Variants in NCKAP1L observed in about 807,000 individuals in gnomAD.
NCKAP1L encodes NCK associated protein 1 like.
NCKAP1L carries 53 observed loss-of-function variants against 139.2 expected under a neutral mutation model. The observed-to-expected ratio is 0.38, with a 90% CI of 0.31 to 0.48. The LOEUF (loss-of-function observed/expected upper bound fraction) is 0.48. Ranked by LOEUF, NCKAP1L falls within the 20% of genes least tolerant of loss-of-function variation. The probability of loss-of-function intolerance (pLI) is 0.98; values close to 1 mark genes in which losing one functional copy is unlikely to be tolerated. For synonymous variants in NCKAP1L, 468 were observed against 499.7 expected (o/e 0.94, Z 0.85); for missense variants, 1,151 against 1,381.9 (o/e 0.83, Z 2.65).
At chr12:54,511,361 TTGG>T (rs1956888894) in intron 7 of NCKAP1L, among the ~76,000 whole-genome samples, 1 of 152,236 alleles carries the variant, frequency 6.6e-6, no homozygotes, top group African/African-American at 2.4e-5. Context: ...TTCCCTGCTG[TTGG>T]TTTATCAATG....
rs188731202 is a variant in NCKAP1L, at chr12:54,515,953, C to T, written c.942-286C>T. ...AGGAGCACAGGAAGAGAAGTCTAGC[C>T]CCACCTTTGCCATTAAAGCCCTATG... is the stretch of plus-strand genomic sequence containing the variant. On this transcript the variant is annotated intron_variant, in intron 9 of 30. Coordinates refer to ENST00000293373, the MANE Select transcript of NCKAP1L (RefSeq NM_005337.5). Among the ~76,000 whole-genome samples, 18 of 152,266 alleles carry T rather than the reference C, an allele frequency of 1.2e-4. No homozygotes were observed. In the East Asian group the frequency reaches 2.9e-3, roughly 24 times the overall value.
rs1337498406 is a variant in NCKAP1L, at chr12:54,537,320, T to C, written c.3183+267T>C. Reference sequence around the variant, plus strand: ...TGAGTTCTGATTTTTGATCTGCCATTAAGTAGTTGTGTGACCTCTGAAGTG... The same window carrying C: ...TGAGTTCTGATTTTTGATCTGCCATCAAGTAGTTGTGTGACCTCTGAAGTG... On this transcript the variant is annotated intron_variant, in intron 29 of 30. Coordinates refer to ENST00000293373, the MANE Select transcript of NCKAP1L (RefSeq NM_005337.5). Among the ~76,000 whole-genome samples, 3 of 152,226 alleles carry C rather than the reference T, an allele frequency of 2.0e-5. No individual in the cohort carries two copies. The East Asian group carries it at 5.8e-4, about 29-fold the overall frequency.
chr12:54,518,825 G>T (rs1956955738), intron 14 of NCKAP1L, 89 bp from the exon 15 acceptor site: 1 of 1,510,162 alleles, frequency 6.6e-7, no homozygotes, highest in Non-Finnish European at 9.2e-7. Flanking sequence ...AGTAGGACAA[G>T]ATGTTTTTGA....
chr12:54,500,454 A>ATGTT (rs1956789066), intron 2 of NCKAP1L, 79 bp from the exon 3 acceptor site: 3 of 998,128 alleles, frequency 3.0e-6, no homozygotes, highest in Non-Finnish European at 3.2e-6. Context: ...TTTAGGTATA[A>ATGTT]CCACTGTTCT....
At chr12:54,528,461 A>C in intron 22 of NCKAP1L, 84 bp downstream of exon 22, 1 of 1,508,690 alleles carries the variant, frequency 6.6e-7, no homozygotes, top group South Asian at 1.3e-5. Flanking sequence ...ACATGTATTT[A>C]GGTTGGTGCA....
chr12:54,506,796 A>AAAAAAAAAT, intron 3 of NCKAP1L, among the ~76,000 whole-genome samples: 43 of 50,604 alleles, frequency 8.5e-4, no homozygotes, highest in African/African-American at 1.7e-3. Flanking sequence ...AAAAAAAAAA[A>AAAAAAAAAT]ATATATATAT....
At chr12:54,506,197 A>G (rs61923481) in intron 3 of NCKAP1L, among the ~76,000 whole-genome samples, 3,966 of 152,260 alleles carry the variant, frequency 0.026, 88 homozygotes, top group Admixed American at 0.033. Flanking sequence ...AGAAACCGCC[A>G]AACCTTTTTT....
At chr12:54,516,438 T>C (rs186442621) in intron 10 of NCKAP1L, 143 bp downstream of exon 10, 1 of 707,772 alleles carries the variant, frequency 1.4e-6, no homozygotes, top group East Asian at 2.7e-5. Flanking sequence ...AAATTCTTTT[T>C]TCTTTTCTTT....
In NCKAP1L at chr12:54,516,915, C is replaced by T. The variant is rs764565874; in HGVS notation, c.1018C>T (p.Arg340Trp). 1.7e-5 allele frequency: 28 copies of T among 1,611,946 alleles called. No individual in the cohort carries two copies. The highest frequency in any genetic ancestry group is 8.3e-5 in the Admixed American group (5 of 59,922). The change falls in exon 11 of 31, where the codon CGG becomes TGG. Residue 340 changes from arginine (R) to tryptophan (W), a missense_variant. By Grantham distance (101) the Arg-to-Trp change is moderately radical. Coordinates refer to ENST00000293373, the MANE Select transcript of NCKAP1L (RefSeq NM_005337.5). ...IANSGQFHCQ[R>W]RQFLRMAVKE... ...CCTTAGTGGCCAGTTTCATTGTCAA[C>T]GGCGGCAATTTCTGCGGATGGCAGT...
At chr12:54,499,014 C>T (rs1214550258) in intron 1 of NCKAP1L, among the ~76,000 whole-genome samples, 1 of 151,824 alleles carries the variant, frequency 6.6e-6, no homozygotes, top group South Asian at 2.1e-4. Context: ...CAACCTCCGC[C>T]TCCCGGGTTC....
chr12:54,521,234 A>G lies in NCKAP1L; in HGVS notation c.1874A>G (p.Glu625Gly). 6.2e-7 allele frequency: 1 copy of G among 1,614,002 alleles called. No homozygotes were observed. The highest frequency in any genetic ancestry group is 8.5e-7 in the Non-Finnish European group (1 of 1,179,948). Residue 625 changes from glutamate to glycine, a missense_variant, in exon 18 of 31, where the codon GAG becomes GGG. Coordinates refer to ENST00000293373, the MANE Select transcript of NCKAP1L (RefSeq NM_005337.5). ...TGTGCTGAGCAGCGAAACCTGAGCG[A>G]GCAGGTAGACTCAGCCCTCTCTGTT... Reference protein sequence around the residue: ...EICAEQRNLSEQLLPKHCATT... With the variant: ...EICAEQRNLSGQLLPKHCATT...
chr12:54,535,600 C>T (rs567208641), intron 27 of NCKAP1L, among the ~76,000 whole-genome samples: 14 of 152,216 alleles, frequency 9.2e-5, no homozygotes, highest in Non-Finnish European at 1.9e-4. Context: ...TGATTTTGTG[C>T]TTTCTCCCTC....
At chr12:54,501,953 C>T (rs549662191) in intron 3 of NCKAP1L, among the ~76,000 whole-genome samples, 1 of 152,306 alleles carries the variant, frequency 6.6e-6, no homozygotes, top group African/African-American at 2.4e-5. Context: ...GGTATTATCT[C>T]ATCTAAGTTT....
rs751090225 is a variant in NCKAP1L at position 54,531,343 on chromosome 12, A to T, written c.2590A>T (p.Ile864Phe). The T allele has an allele frequency of 2.5e-6, 4 of 1,614,022 alleles. No individual in the cohort carries two copies. Among genetic ancestry groups the T allele is most frequent in the Non-Finnish European group, 3.4e-6 (4 of 1,179,944 alleles). ...ENLMWHVTSQ[I>F]VELKKLVVEN... ...CCTGATGTGGCATGTGACCTCTCAG[A>T]TTGTGGAGCTGAAGGTACTATGGAA... The change falls in exon 23 of 31, where the codon ATT becomes TTT. Residue 864 changes from isoleucine (I) to phenylalanine (F), a missense_variant. Ile to Phe is a conservative substitution (Grantham distance 21). Transcript: ENST00000293373.
rs903426553 is a variant in NCKAP1L at position 54,534,985 on chromosome 12, T to TA, written c.2863-115dup. On this transcript the variant is annotated intron_variant, in intron 26 of 30. Coordinates refer to ENST00000293373, the MANE Select transcript of NCKAP1L (RefSeq NM_005337.5). Reference sequence around the variant, plus strand: ...GACTCTCTCTTTCTCTACATATATATAAAAGCATCTTTAAAAAAAAAATTA... The same window carrying TA: ...GACTCTCTCTTTCTCTACATATATATAAAAAGCATCTTTAAAAAAAAAATTA... 18 of 666,840 alleles carry TA rather than the reference T, an allele frequency of 2.7e-5. No individual in the cohort carries two copies. The African/African-American group carries it at 3.0e-4, about 11-fold the overall frequency. 41.3% of individuals were successfully genotyped at this position (666,840 alleles called of 1,614,324 possible).
intron 19 of NCKAP1L, 68 bp downstream of exon 19, chr12:54,523,607 A>C (rs1239145550): frequency 1.9e-6 from 3 of 1,541,290 alleles, no homozygotes; most frequent in East Asian, 2.3e-5. Context: ...GAAAGAGGGA[A>C]GGTGACACAG....
At chr12:54,538,210 G>T (rs1292357005) in intron 29 of NCKAP1L, among the ~76,000 whole-genome samples, 2 of 152,166 alleles carry the variant, frequency 1.3e-5, no homozygotes, top group Non-Finnish European at 2.9e-5. Flanking sequence ...CATAAGATTG[G>T]TTGGTGTGTC....
At chr12:54,498,061 A>G (rs963468414) in intron 1 of NCKAP1L, among the ~76,000 whole-genome samples, 170 bp downstream of exon 1, 2 of 152,112 alleles carry the variant, frequency 1.3e-5, no homozygotes, top group African/African-American at 2.4e-5. Flanking sequence ...TCAGGAAGGC[A>G]GAAGTGGAGG....
intron 13 of NCKAP1L, 84 bp downstream of exon 13, chr12:54,518,022 C>T: frequency 6.5e-7 from 1 of 1,529,236 alleles, no homozygotes; most frequent in Non-Finnish European, 9.0e-7. Flanking sequence ...GGCTGAATCT[C>T]ATGCTCTGTA....
Sources: gnomAD v4.1 joint callset for allele counts (sites outside exome capture counted in the v4.1 genomes callset) on GRCh38, gnomAD v4.1.1 for gene constraint, MANE v1.5 for transcripts, NCBI Gene and HGNC (gene_info 2026-07-23, HGNC 2026-07-21) for gene names.